Variants in PPM1D observed in about 807,000 individuals in gnomAD.
PPM1D encodes protein phosphatase 1D.
A neutral mutation model predicts 58.3 loss-of-function variants in PPM1D; 52 were observed. That is an observed-to-expected ratio of 0.89 (90% confidence interval 0.71 to 1.12). The LOEUF is 1.12. Ranked by LOEUF, PPM1D falls within the 50% of genes most tolerant of loss-of-function variation. The pLI is 0.00. For synonymous variants in PPM1D, 278 were observed against 285.1 expected, an observed-to-expected ratio of 0.98 and a Z score of 0.25; for missense variants, 564 against 777.2, an observed-to-expected ratio of 0.73 and a Z score of 3.26.
Position 60,656,960 on chromosome 17 carries a change from A to G in PPM1D, c.1260+119A>G, listed in dbSNP as rs137988448. 5.0e-4 allele frequency: 787 copies of G among 1,588,274 alleles called. 7 individuals are homozygous for G. The East Asian group carries it at 0.017, about 33-fold the overall frequency. On this transcript the variant is annotated intron_variant, in intron 5 of 5. Coordinates refer to ENST00000305921, the MANE Select transcript of PPM1D (RefSeq NM_003620.4). The stretch of plus-strand genomic sequence containing the variant: ...TTTGGATTTGAACTCGATTCAAGAA[A>G]GTGATGTAACTTATTATCAGAGAGC...
chr17:60,638,813 GT>G (rs1169041966), intron 3 of PPM1D, among the ~76,000 whole-genome samples: 1 of 151,922 alleles, frequency 6.6e-6, no homozygotes. Flanking sequence ...TTTCTTATAG[GT>G]TTTTTTGGGC....
chr17:60,608,736 A>C (rs2030385328), intron 1 of PPM1D, among the ~76,000 whole-genome samples: 1 of 151,658 alleles, frequency 6.6e-6, no homozygotes, highest in African/African-American at 2.4e-5. Flanking sequence ...TTTTTTTATA[A>C]TTTTATTAGG....
intron 2 of PPM1D, among the ~76,000 whole-genome samples, chr17:60,625,132 A>G (rs1245406017): frequency 6.6e-6 from 1 of 152,068 alleles, no homozygotes; most frequent in Non-Finnish European, 1.5e-5. Context: ...ACAGAGCGAG[A>G]CTCCATCTCT....
chr17:60,626,696 G>A (rs2030817568), intron 2 of PPM1D, among the ~76,000 whole-genome samples: 1 of 151,498 alleles, frequency 6.6e-6, no homozygotes, highest in Non-Finnish European at 1.5e-5. Context: ...ACCCGGCAAT[G>A]ATGTTGTTTT....
chr17:60,617,834 T>A (rs1013483319), intron 1 of PPM1D, among the ~76,000 whole-genome samples: 3 of 152,160 alleles, frequency 2.0e-5, no homozygotes, highest in African/African-American at 7.2e-5. Flanking sequence ...CAATGAATAA[T>A]TATAAACTGA....
chr17:60,617,752 C>CT (rs921523506), intron 1 of PPM1D, among the ~76,000 whole-genome samples: 13 of 150,946 alleles, frequency 8.6e-5, no homozygotes, highest in African/African-American at 1.7e-4. Context: ...CTTTTCTCTG[C>CT]TTTTTTTTTA....
intron 4 of PPM1D, among the ~76,000 whole-genome samples, chr17:60,648,339 C>A (rs2031284339): frequency 6.6e-6 from 1 of 151,774 alleles, no homozygotes; most frequent in Non-Finnish European, 1.5e-5. Context: ...GTTGCTAATT[C>A]CTTATTTTTT....
intron 5 of PPM1D, among the ~76,000 whole-genome samples, chr17:60,657,817 G>T (rs1416732759): frequency 1.3e-5 from 2 of 152,064 alleles, no homozygotes; most frequent in Non-Finnish European, 2.9e-5. Flanking sequence ...TTGGCTCACT[G>T]CAACCTCTAC....
chr17:60,625,768 C>T (rs1254458984), intron 2 of PPM1D, among the ~76,000 whole-genome samples: 1 of 151,880 alleles, frequency 6.6e-6, no homozygotes, highest in Non-Finnish European at 1.5e-5. Context: ...CTGGTGTTAG[C>T]AATGCAGAGA....
rs534327612 is a variant in PPM1D, at chr17:60,635,072, C to G, written c.826+1095C>G. 4.6e-5 allele frequency among the ~76,000 whole-genome samples: 7 copies of G among 152,104 alleles called. No homozygotes were observed. In the East Asian group the frequency reaches 9.7e-4, roughly 21 times the overall value. On this transcript the variant is annotated intron_variant, in intron 3 of 5. Transcript: ENST00000305921. The stretch of plus-strand genomic sequence containing the variant: ...CAGGCATGAGCCACCACACCCAGCA[C>G]AACTACTATATATATTAATAATTTG...
intron 5 of PPM1D, among the ~76,000 whole-genome samples, chr17:60,658,517 G>A (rs1338422637): frequency 6.6e-6 from 1 of 151,934 alleles, no homozygotes; most frequent in East Asian, 1.9e-4. Flanking sequence ...GTGTGGTGAT[G>A]CATGCCTGTA....
rs1048438157 is a variant in PPM1D, at chr17:60,600,361, C to T, written c.-54C>T. 47 of 1,535,938 alleles carry T rather than the reference C, an allele frequency of 3.1e-5. No homozygotes were observed. Among genetic ancestry groups the T allele is most frequent in the Non-Finnish European group, 3.9e-5 (44 of 1,141,808 alleles). On this transcript the variant is annotated 5_prime_UTR_variant, in exon 1 of 6. Coordinates refer to ENST00000305921, the MANE Select transcript of PPM1D (RefSeq NM_003620.4). ...GCCGGCGAGCGCCTAGTGTGTCTCC[C>T]GCCGCCGGATTCGGCGGGCTGCGTG...
rs71148308 is a variant in PPM1D at position 60,643,883 on chromosome 17, C to CTTTTTTTTTTTT, written c.827-3999_827-3988dup. 1.9e-3 allele frequency among the ~76,000 whole-genome samples: 190 copies of CTTTTTTTTTTTT among 97,672 alleles called. 4 individuals are homozygous for CTTTTTTTTTTTT. The highest frequency in any genetic ancestry group is 2.3e-3 in the Non-Finnish European group (123 of 53,192). 64.1% of individuals were successfully genotyped at this position (97,672 alleles called of 152,430 possible). A position where few individuals can be genotyped will look rare whatever the true frequency, so the allele number is the denominator to read the frequency against. Reference sequence around the variant, plus strand: ...TTGTGCAATAGAACTCTTTTCTTTTCTTTTTTTTTTTTTTTTTTTTTGAGA... The same window carrying CTTTTTTTTTTTT: ...TTGTGCAATAGAACTCTTTTCTTTTCTTTTTTTTTTTTTTTTTTTTTTTTTTTTTTTTTGAGA... On this transcript the variant is annotated intron_variant, in intron 3 of 5. Coordinates refer to ENST00000305921, the MANE Select transcript of PPM1D (RefSeq NM_003620.4).
intron 2 of PPM1D, among the ~76,000 whole-genome samples, chr17:60,626,849 A>G (rs917100522): frequency 6.6e-6 from 1 of 152,118 alleles, no homozygotes; most frequent in Non-Finnish European, 1.5e-5. Flanking sequence ...AGCTTCAGTA[A>G]TGTTTTAATT....
At chr17:60,651,192 A>G (rs545973374) in intron 4 of PPM1D, among the ~76,000 whole-genome samples, 2 of 152,212 alleles carry the variant, frequency 1.3e-5, no homozygotes, top group East Asian at 3.9e-4. Context: ...GGGAAGGGAA[A>G]CAGGCACACT....
chr17:60,662,895 C>A (rs766493282), intron 5 of PPM1D, 100 bp from the exon 6 acceptor site: 3 of 1,155,008 alleles, frequency 2.6e-6, no homozygotes, highest in Admixed American at 4.7e-5. Context: ...CCCGTTTTTG[C>A]CATCCTACTA....
intron 3 of PPM1D, among the ~76,000 whole-genome samples, chr17:60,636,492 C>T (rs1367570478): frequency 3.3e-5 from 5 of 152,040 alleles, no homozygotes; most frequent in Non-Finnish European, 7.4e-5. Context: ...GTTAGAAATG[C>T]TACCAAGAAA....
intron 1 of PPM1D, among the ~76,000 whole-genome samples, chr17:60,619,290 G>C (rs2030650084): frequency 6.6e-6 from 1 of 150,840 alleles, no homozygotes; most frequent in Non-Finnish European, 1.5e-5. Context: ...ATCTCTTGCT[G>C]GATACTTAGA....
At chr17:60,637,970 T>C (rs2031057992) in intron 3 of PPM1D, among the ~76,000 whole-genome samples, 1 of 152,102 alleles carries the variant, frequency 6.6e-6, no homozygotes, top group Non-Finnish European at 1.5e-5. Flanking sequence ...AAAATGACCA[T>C]GGGATTTAGG....
Sources: gnomAD v4.1 joint callset for allele counts (sites outside exome capture counted in the v4.1 genomes callset) on GRCh38, gnomAD v4.1.1 for gene constraint, MANE v1.5 for transcripts, NCBI Gene and HGNC (gene_info 2026-07-23, HGNC 2026-07-21) for gene names.